Variants in ADAMTS19 observed in about 807,000 individuals in gnomAD.
ADAMTS19 encodes ADAM metallopeptidase with thrombospondin type 1 motif 19, also known as A disintegrin and metalloproteinase with thrombospondin motifs 19.
ADAMTS19 carries 93 observed loss-of-function variants against 153.3 expected under a neutral mutation model. The ratio of observed to expected loss-of-function variants is 0.61; its 90% confidence interval spans 0.51 to 0.72. ADAMTS19 has a LOEUF of 0.72. Among genes scored for constraint, ADAMTS19 ranks in the 30% least tolerant of loss-of-function variants. The pLI is 0.00. For synonymous variants in ADAMTS19, 600 were observed against 556.6 expected (o/e 1.08, Z -1.10); for missense variants, 1,482 against 1,552.1 (o/e 0.95, Z 0.76).
intron 8 of ADAMTS19, among the ~76,000 whole-genome samples, chr5:129,602,587 A>C (rs1351169026): frequency 2.0e-5 from 3 of 150,666 alleles, no homozygotes; most frequent in Non-Finnish European, 4.4e-5. Context: ...AAACTAATAG[A>C]GATTCATTTT....
chr5:129,701,552 A>G lies in ADAMTS19; in HGVS notation c.3119A>G (p.Gln1040Arg). 1.2e-6 allele frequency: 2 copies of G among 1,614,206 alleles called. No individual in the cohort carries two copies. Among genetic ancestry groups the G allele is most frequent in the Non-Finnish European group, 1.7e-6 (2 of 1,180,032 alleles). ...GCCTCTGCCCAGCGCTGTGAGGGCCAGGACTGCATGACCGTGTGGGAGGCG... is the reference window on the plus strand; with the variant it reads ...GCCTCTGCCCAGCGCTGTGAGGGCCGGGACTGCATGACCGTGTGGGAGGCG... ...KPASAQRCEG[Q>R]DCMTVWEAGV... The change falls in exon 20 of 23, where the codon CAG becomes CGG. Residue 1040 changes from glutamine (Q) to arginine (R), a missense_variant. Physicochemically the swap from Gln to Arg is conservative, Grantham distance 43 (BLOSUM62 1). Transcript: ENST00000274487.
chr5:129,674,253 T>C (rs541481604), intron 16 of ADAMTS19, among the ~76,000 whole-genome samples: 1 of 152,024 alleles, frequency 6.6e-6, no homozygotes, highest in Admixed American at 6.6e-5. Flanking sequence ...AATCATTAAA[T>C]CCATTTTTTT....
rs779808021 is a variant in ADAMTS19, at chr5:129,461,059, C to A, written c.92-43C>A. ...TTGGAAATGTTTGTGCTACTGGAAC[C>A]GCGGCACTTTAAGCCCCGCACTTCT... is the stretch of plus-strand genomic sequence containing the variant. On this transcript the variant is annotated intron_variant, in intron 1 of 22. Transcript: ENST00000274487. The surrounding 1 kb of genome is among the most constrained non-coding windows in gnomAD (Gnocchi z 4.6). 1.6e-5 allele frequency: 21 copies of A among 1,323,208 alleles called. No homozygotes were observed. The South Asian group carries it at 3.6e-4, about 23-fold the overall frequency. 82.0% of individuals were successfully genotyped at this position (1,323,208 alleles called of 1,614,324 possible). A position where few individuals can be genotyped will look rare whatever the true frequency, so the allele number is the denominator to read the frequency against.
chr5:129,529,298 C>T (rs1179504258), intron 6 of ADAMTS19, among the ~76,000 whole-genome samples: 1 of 152,020 alleles, frequency 6.6e-6, no homozygotes, highest in Non-Finnish European at 1.5e-5. Flanking sequence ...TGTGAACTAG[C>T]AATTTAATTT....
At chr5:129,695,596 AC>A (rs1755517443) in intron 19 of ADAMTS19, among the ~76,000 whole-genome samples, 1 of 152,210 alleles carries the variant, frequency 6.6e-6, no homozygotes, top group South Asian at 2.1e-4. Flanking sequence ...CAACGAGGCT[AC>A]TTGGCATGGC....
intron 2 of ADAMTS19, among the ~76,000 whole-genome samples, chr5:129,478,330 T>A (rs1750293490): frequency 6.6e-6 from 1 of 152,220 alleles, no homozygotes; most frequent in African/African-American, 2.4e-5. Context: ...TGCACATGCT[T>A]ATTTTATCTT....
chr5:129,542,733 A>G (rs1279126139), intron 6 of ADAMTS19, among the ~76,000 whole-genome samples: 2 of 152,218 alleles, frequency 1.3e-5, no homozygotes, highest in East Asian at 3.8e-4. Context: ...AGAAAGATAT[A>G]TATATTTACA....
rs372218372 is a variant in ADAMTS19, at chr5:129,681,657, G to A, written c.2664+1736G>A. 6.8e-4 allele frequency among the ~76,000 whole-genome samples: 104 copies of A among 152,192 alleles called. 2 individuals are homozygous for A. In the South Asian group the frequency reaches 0.021, roughly 31 times the overall value. ...ATTAGTCACTCTTCTATGCTACCTC[G>A]CTGACACAGAGGTCCAAAGAACTTG... On this transcript the variant is annotated intron_variant, in intron 17 of 22. Transcript: ENST00000274487.
At chr5:129,573,931 T>C (rs778459516) in intron 7 of ADAMTS19, among the ~76,000 whole-genome samples, 17 of 152,000 alleles carry the variant, frequency 1.1e-4, no homozygotes, top group African/African-American at 1.7e-4. Flanking sequence ...CCCCCCAAAG[T>C]CCTCATATTT....
chr5:129,548,598 C>T (rs1327149568), intron 6 of ADAMTS19, among the ~76,000 whole-genome samples: 2 of 151,420 alleles, frequency 1.3e-5, no homozygotes, highest in African/African-American at 2.4e-5. Flanking sequence ...CTAGTTCAAA[C>T]ATTGTGGAAG....
chr5:129,658,351 A>AAGAAAGAAAGAGAGAGAGAGAGAG (rs1561632431), intron 14 of ADAMTS19, among the ~76,000 whole-genome samples: 335 of 132,662 alleles, frequency 2.5e-3, no homozygotes, highest in Middle Eastern at 7.8e-3. Flanking sequence ...GAAAGAAAGA[A>AAGAAAGAAAGAGAGAGAGAGAGAG]AGAAAGAAAG....
intron 8 of ADAMTS19, among the ~76,000 whole-genome samples, chr5:129,597,859 G>T (rs548610447): frequency 1.3e-5 from 2 of 148,224 alleles, no homozygotes; most frequent in African/African-American, 5.0e-5. Context: ...CTGAGATTAC[G>T]CCACTGCACT....
chr5:129,490,141 C>G (rs1477512986), intron 2 of ADAMTS19, among the ~76,000 whole-genome samples: 1 of 152,168 alleles, frequency 6.6e-6, no homozygotes, highest in Non-Finnish European at 1.5e-5. Flanking sequence ...CAGGAAATGT[C>G]TGTTGGTTGG....
Position 129,701,463 on chromosome 5 carries a change from C to A in ADAMTS19, c.3030C>A (p.Thr1010=), listed in dbSNP as rs199722006. The A allele has an allele frequency of 1.2e-6, 2 of 1,614,196 alleles. No individual in the cohort carries two copies. Among genetic ancestry groups the A allele is most frequent in the Non-Finnish European group, 1.7e-6 (2 of 1,180,046 alleles). ...KGMQSRQVAC[T]QQLSNGTLIR... ...TGCAGAGCAGACAAGTGGCCTGTACCCAACAACTGAGCAATGGAACACTGA... is the reference window on the plus strand; with the variant it reads ...TGCAGAGCAGACAAGTGGCCTGTACACAACAACTGAGCAATGGAACACTGA... Residue 1010 remains threonine (T), a synonymous_variant, in exon 20 of 23, where the codon ACC becomes ACA. Coordinates refer to ENST00000274487, the MANE Select transcript of ADAMTS19 (RefSeq NM_133638.6).
chr5:129,656,917 G>T (rs1753571423), intron 14 of ADAMTS19, among the ~76,000 whole-genome samples: 1 of 152,188 alleles, frequency 6.6e-6, no homozygotes, highest in Admixed American at 6.5e-5. Flanking sequence ...CAGGGATAGA[G>T]CAATAAAGAT....
At chr5:129,548,289 T>A (rs1477653347) in intron 6 of ADAMTS19, among the ~76,000 whole-genome samples, 2 of 148,150 alleles carry the variant, frequency 1.3e-5, no homozygotes, top group Non-Finnish European at 3.0e-5. Flanking sequence ...GACAAAGGGC[T>A]AATATCCAGA....
chr5:129,546,382 A>G (rs1004446807), intron 6 of ADAMTS19, among the ~76,000 whole-genome samples: 10 of 150,922 alleles, frequency 6.6e-5, no homozygotes, highest in Admixed American at 2.0e-4. Flanking sequence ...AACTTAAAGT[A>G]TAATAAAAAA....
chr5:129,496,141 GT>G (rs925679919), intron 2 of ADAMTS19, among the ~76,000 whole-genome samples: 8 of 151,988 alleles, frequency 5.3e-5, no homozygotes, highest in African/African-American at 1.9e-4. Context: ...AATTTCTTGG[GT>G]TTTATTTATG....
At chr5:129,551,838 T>G in intron 6 of ADAMTS19, 26 bp from the exon 7 acceptor site, 1 of 1,473,248 alleles carries the variant, frequency 6.8e-7, no homozygotes, top group South Asian at 1.3e-5. Context: ...TTTATCTTTA[T>G]TTCAGTTTTC....
Sources: gnomAD v4.1 joint callset for allele counts (sites outside exome capture counted in the v4.1 genomes callset) on GRCh38, gnomAD v4.1.1 for gene constraint, Gnocchi (gnomAD v3.1) non-coding constraint, MANE v1.5 for transcripts, NCBI Gene and HGNC (gene_info 2026-07-23, HGNC 2026-07-21) for gene names.